EIF4E2: variants seen among roughly 807,000 people sequenced by gnomAD.
EIF4E2 encodes the protein eukaryotic translation initiation factor 4E type 2.
EIF4E2 carries 13 observed loss-of-function variants against 34.2 expected under a neutral mutation model. The ratio of observed to expected loss-of-function variants is 0.38; its 90% CI spans 0.25 to 0.60. EIF4E2 has a LOEUF of 0.60. Among genes scored for constraint, EIF4E2 ranks in the 20% least tolerant of loss-of-function variants. EIF4E2 has a pLI of 0.62. For synonymous variants in EIF4E2, 100 were observed against 106.6 expected (o/e 0.94, Z 0.38); for missense variants, 222 against 315.1 (o/e 0.70, Z 2.24).
At chr2:232,559,437 G>GAAAA (rs576075217) in intron 3 of EIF4E2, among the ~76,000 whole-genome samples, 11 of 119,092 alleles carry the variant, frequency 9.2e-5, no homozygotes, top group African/African-American at 2.8e-4. Context: ...GCTTTGGTTT[G>GAAAA]AAAAAAATAA....
In EIF4E2 at chr2:232,567,086, T is replaced by C; in HGVS notation, c.537T>C (p.Ile179=). 2 of 1,613,830 alleles carry C rather than the reference T, an allele frequency of 1.2e-6. No individual in the cohort carries two copies. Among genetic ancestry groups the C allele is most frequent in the Non-Finnish European group, 1.7e-6 (2 of 1,179,846 alleles). Residue 179 remains isoleucine (I), a synonymous_variant, in exon 6 of 7, where the codon ATT becomes ATC. Coordinates refer to ENST00000258416, the MANE Select transcript of EIF4E2 (RefSeq NM_004846.4). The stretch of plus-strand genomic sequence containing the variant: ...TTCTGTTCCTCTGGTAGGAAGACAT[T>C]ATTTCAATATGGAATAAGACTGCCA... ...AVVSVRFQED[I]ISIWNKTASD... is the part of the protein sequence containing the mutation.
At chr2:232,563,653 A>C (rs1411712392) in intron 3 of EIF4E2, among the ~76,000 whole-genome samples, 21 of 152,118 alleles carry the variant, frequency 1.4e-4, no homozygotes, top group Non-Finnish European at 3.1e-4. Flanking sequence ...TGTGTGGTAC[A>C]TGTGGTTGAT....
At chr2:232,554,457 C>T (rs1399695041) in intron 1 of EIF4E2, among the ~76,000 whole-genome samples, 1 of 152,126 alleles carries the variant, frequency 6.6e-6, no homozygotes, top group Admixed American at 6.5e-5. Context: ...ACCTTTTCTC[C>T]TCAGCTAGGT....
At position 232,581,392 on chromosome 2, in the gene EIF4E2, C is replaced by G. The variant is rs535818772; in HGVS notation, c.*449C>G. 1.6e-5 allele frequency: 5 copies of G among 316,478 alleles called. No homozygotes were observed. Among genetic ancestry groups the G allele is most frequent in the African/African-American group, 1.1e-4 (5 of 45,804 alleles). 19.6% of individuals were successfully genotyped at this position (316,478 alleles called of 1,614,324 possible). A position where few individuals can be genotyped will look rare whatever the true frequency, so the allele number is the denominator to read the frequency against. ...GAGTCCCAAAATAGCTGTAAATGCTCTCTTCTAGCTCTGCCATTAAATTAT... is the reference window on the plus strand; with the variant it reads ...GAGTCCCAAAATAGCTGTAAATGCTGTCTTCTAGCTCTGCCATTAAATTAT... On this transcript the variant is annotated 3_prime_UTR_variant, in exon 7 of 7. Transcript: ENST00000409098. The surrounding 1 kb of genome is among the most constrained non-coding windows in gnomAD (Gnocchi z 5.2).
At chr2:232,559,462 ATG>A (rs1402595942) in intron 3 of EIF4E2, among the ~76,000 whole-genome samples, 1 of 152,172 alleles carries the variant, frequency 6.6e-6, no homozygotes, top group Non-Finnish European at 1.5e-5. Context: ...ATAAAATAAA[ATG>A]CAGAAACTAG....
chr2:232,568,126 G>C (rs1230987018), intron 6 of EIF4E2: 2 of 985,204 alleles, frequency 2.0e-6, no homozygotes, highest in Non-Finnish European at 2.4e-6. Context: ...ATGCTTTTAC[G>C]GGGCCAAGTA....
At chr2:232,553,329 A>G (rs1416718026) in intron 1 of EIF4E2, among the ~76,000 whole-genome samples, 2 of 152,210 alleles carry the variant, frequency 1.3e-5, no homozygotes, top group Admixed American at 1.3e-4. Flanking sequence ...TTTATTCTAT[A>G]TCGTTAACTT....
intron 2 of EIF4E2, among the ~76,000 whole-genome samples, chr2:232,557,114 G>A (rs557768980): frequency 2.1e-4 from 32 of 152,248 alleles, no homozygotes; most frequent in Admixed American, 9.8e-4. Flanking sequence ...ATGCTGTGGC[G>A]CGTGCCTGAA....
At chr2:232,574,457 T>G (rs964044910) in intron 6 of EIF4E2, 3 of 1,097,898 alleles carry the variant, frequency 2.7e-6, no homozygotes, top group African/African-American at 3.1e-5. Context: ...GAGAAAAATA[T>G]AAGTCCCAAA....
At chr2:232,567,775 C>T (rs963948490) in intron 6 of EIF4E2, 26 of 986,434 alleles carry the variant, frequency 2.6e-5, no homozygotes, top group Non-Finnish European at 2.9e-5. Context: ...GCTTGGCAAT[C>T]TCCCTAGGAC....
chr2:232,572,654 G>C (rs562165044), downstream of EIF4E2, among the ~76,000 whole-genome samples: 1 of 152,308 alleles, frequency 6.6e-6, no homozygotes, highest in East Asian at 1.9e-4. Context: ...GAGCCATGGT[G>C]CCCGGCTGTG....
Position 232,569,126 on chromosome 2 carries a change from G to A in EIF4E2, c.*109G>A. On this transcript the variant is annotated 3_prime_UTR_variant, in exon 7 of 7. Coordinates refer to ENST00000258416, the MANE Select transcript of EIF4E2 (RefSeq NM_004846.4). ...CTTCTGTCCTGGACAAGAGGAATTGGAAGAGCATTTTATGTTTTAAGAACA... is the reference window on the plus strand; with the variant it reads ...CTTCTGTCCTGGACAAGAGGAATTGAAAGAGCATTTTATGTTTTAAGAACA... 6.6e-7 allele frequency: 1 copy of A among 1,517,166 alleles called. No homozygotes were observed. 94.0% of individuals were successfully genotyped at this position (1,517,166 alleles called of 1,614,324 possible).
In EIF4E2 at chr2:232,566,089, C is replaced by T. The variant is rs570337510; in HGVS notation, c.376-740C>T. 1.7e-4 allele frequency among the ~76,000 whole-genome samples: 26 copies of T among 150,028 alleles called. No individual in the cohort carries two copies. The highest frequency in any genetic ancestry group is 5.6e-4 in the African/African-American group (23 of 40,838). ...ACTGGGTGACAGCGGGAGACTCCATCGCAAAAAAGAAAAAAAAAAAAACTA... is the reference window on the plus strand; with the variant it reads ...ACTGGGTGACAGCGGGAGACTCCATTGCAAAAAAGAAAAAAAAAAAAACTA... On this transcript the variant is annotated intron_variant, in intron 4 of 6. Coordinates refer to ENST00000258416, the MANE Select transcript of EIF4E2 (RefSeq NM_004846.4). The surrounding 1 kb of genome is among the most constrained non-coding windows in gnomAD (Gnocchi z 4.9).
At chr2:232,558,321 G>C (rs1389999289) in intron 3 of EIF4E2, 1 of 184,498 alleles carries the variant, frequency 5.4e-6, no homozygotes, top group Non-Finnish European at 1.1e-5. Context: ...CTCTTGCTCT[G>C]TCTCCCAGGC....
At chr2:232,578,457 C>G (rs1036720990) in intron 6 of EIF4E2, among the ~76,000 whole-genome samples, 3 of 152,026 alleles carry the variant, frequency 2.0e-5, no homozygotes, top group Non-Finnish European at 4.4e-5. Context: ...ATGGTGAAAC[C>G]CTGTCTCTAC....
At chr2:232,567,653 T>G in intron 6 of EIF4E2, 1 of 1,044,814 alleles carries the variant, frequency 9.6e-7, no homozygotes, top group Non-Finnish European at 1.1e-6. Context: ...TGACTACTTA[T>G]CAGGAATGAC....
chr2:232,567,409 T>A lies in EIF4E2; in HGVS notation c.665+195T>A. On this transcript the variant is annotated intron_variant, in intron 6 of 6. Transcript: ENST00000258416. ...GCTCCCTGCCACCTATACTACCAGG[T>A]GCTTTGTAGCAGAGAGAGCCCATCT... 2.1e-6 allele frequency: 3 copies of A among 1,400,432 alleles called. No individual in the cohort carries two copies. In the South Asian group the frequency reaches 4.9e-5, roughly 23 times the overall value. 86.8% of individuals were successfully genotyped at this position (1,400,432 alleles called of 1,614,324 possible).
chr2:232,567,535 C>A, intron 6 of EIF4E2: 1 of 1,242,650 alleles, frequency 8.0e-7, no homozygotes, highest in Non-Finnish European at 1.0e-6. Context: ...AAGTGCTTTT[C>A]TTTTTCTTGC....
At chr2:232,580,084 CCACACACACA>C (rs6147227) in intron 6 of EIF4E2, among the ~76,000 whole-genome samples, 7,146 of 145,192 alleles carry the variant, frequency 0.049, 320 homozygotes, top group African/African-American at 0.12. Context: ...CACATACATA[CCACACACACA>C]CACACACACA....
Sources: allele counts gnomAD v4.1 joint callset (sites outside exome capture counted in the v4.1 genomes callset), GRCh38; gene constraint gnomAD v4.1.1; non-coding constraint Gnocchi (gnomAD v3.1); transcripts MANE v1.5; gene names NCBI Gene and HGNC (gene_info 2026-07-23, HGNC 2026-07-21).